PBX1: variants seen among roughly 807,000 people sequenced by gnomAD.
The protein encoded by PBX1 is pre-B-cell leukemia transcription factor 1.
PBX1 carries 6 observed loss-of-function variants against 53.4 expected under a neutral mutation model. That is an observed-to-expected ratio of 0.11 (90% CI 0.06 to 0.22). The LOEUF is 0.22. Among genes scored for constraint, PBX1 ranks in the 10% least tolerant of loss-of-function variants. PBX1 has a pLI of 1.00. For missense variants in PBX1, 251 were observed against 551.4 expected (o/e 0.46, Z 5.46); for synonymous variants, 204 against 212.3 (o/e 0.96, Z 0.34).
intron 3 of PBX1, among the ~76,000 whole-genome samples, chr1:164,793,328 T>TA (rs1416297612): frequency 2.0e-5 from 3 of 152,166 alleles, no homozygotes; most frequent in Non-Finnish European, 4.4e-5. Flanking sequence ...TCATCCTCTG[T>TA]AAAAAGGGTA....
chr1:164,843,344 C>G (rs12118136), intron 8 of PBX1, among the ~76,000 whole-genome samples: 7,031 of 152,218 alleles, frequency 0.046, 199 homozygotes, highest in East Asian at 0.073. Context: ...CTACAATGTC[C>G]TAAATTTGGT....
At chr1:164,634,059 C>T (rs1658587152) in intron 2 of PBX1, among the ~76,000 whole-genome samples, 1 of 152,238 alleles carries the variant, frequency 6.6e-6, no homozygotes, top group Non-Finnish European at 1.5e-5. Context: ...ACAGTTTCTT[C>T]CTTGTGAGCC....
intron 2 of PBX1, among the ~76,000 whole-genome samples, chr1:164,616,082 G>A (rs1429249733): frequency 6.6e-6 from 1 of 152,192 alleles, no homozygotes; most frequent in Non-Finnish European, 1.5e-5. Flanking sequence ...CCATGGGATA[G>A]GGATGGGAAA....
intron 2 of PBX1, among the ~76,000 whole-genome samples, chr1:164,592,447 G>T (rs991777869): frequency 7.2e-5 from 11 of 152,104 alleles, no homozygotes; most frequent in African/African-American, 2.7e-4. Context: ...AATTCTCAAG[G>T]GTCTGCAAAG....
rs542388812 is a variant in PBX1, at chr1:164,876,676, G to A, written n.258-22512G>A. Among the ~76,000 whole-genome samples the A allele has an allele frequency of 2.6e-5, 4 of 152,198 alleles. No homozygotes were observed. In the South Asian group the frequency reaches 8.3e-4, roughly 32 times the overall value. ...GGTAATAGAAGAGTGGAATAAAGCCGAATGCATTACTAATTTCTGTGGAAA... is the reference window on the plus strand; with the variant it reads ...GGTAATAGAAGAGTGGAATAAAGCCAAATGCATTACTAATTTCTGTGGAAA... On this transcript the variant is annotated intron_variant and non_coding_transcript_variant, in intron 2 of 2. Transcript: ENST00000558796.
chr1:164,662,352 T>A (rs1660538537), intron 2 of PBX1, among the ~76,000 whole-genome samples: 1 of 152,094 alleles, frequency 6.6e-6, no homozygotes, highest in Non-Finnish European at 1.5e-5. Context: ...ACTTCTTTAG[T>A]CTGTTTTTGG....
intron 2 of PBX1, among the ~76,000 whole-genome samples, chr1:164,711,842 G>A (rs141322615): frequency 1.3e-5 from 2 of 152,284 alleles, no homozygotes; most frequent in Non-Finnish European, 2.9e-5. Context: ...GCCGTCTGCC[G>A]GACACTGAAA....
chr1:164,580,830 C>T (rs1161333790), intron 2 of PBX1, among the ~76,000 whole-genome samples: 7 of 152,184 alleles, frequency 4.6e-5, no homozygotes, highest in African/African-American at 7.2e-5. Context: ...CCACCCTCCT[C>T]GACCTCCCAG....
At chr1:164,885,847 A>G (rs1259243401) in intron 2 of PBX1, among the ~76,000 whole-genome samples, 1 of 151,956 alleles carries the variant, frequency 6.6e-6, no homozygotes, top group African/African-American at 2.4e-5. Context: ...GGCATTTCCT[A>G]TCCTCTTTCC....
chr1:164,834,236 G>A (rs184358798), intron 8 of PBX1, among the ~76,000 whole-genome samples: 248 of 151,956 alleles, frequency 1.6e-3, no homozygotes, highest in African/African-American at 5.6e-3. Flanking sequence ...TCAGAATAGT[G>A]TTGGGCATTA....
intron 2 of PBX1, among the ~76,000 whole-genome samples, chr1:164,593,502 G>A (rs1487535957): frequency 6.6e-6 from 1 of 152,128 alleles, no homozygotes; most frequent in Non-Finnish European, 1.5e-5. Flanking sequence ...AGTCCTGGTT[G>A]TAAACCCCAG....
chr1:164,728,665 AG>A (rs1664825858), intron 2 of PBX1, among the ~76,000 whole-genome samples: 1 of 152,232 alleles, frequency 6.6e-6, no homozygotes, highest in Non-Finnish European at 1.5e-5. Context: ...TTCATTCAAC[AG>A]AAGGAGGGAA....
intron 2 of PBX1, among the ~76,000 whole-genome samples, chr1:164,599,614 A>T (rs1241720603): frequency 6.6e-6 from 1 of 152,024 alleles, no homozygotes; most frequent in Non-Finnish European, 1.5e-5. Context: ...TGGCATGGGG[A>T]TAACTGGGAA....
At chr1:164,777,201 T>A (rs908043496) in intron 2 of PBX1, among the ~76,000 whole-genome samples, 7 of 151,934 alleles carry the variant, frequency 4.6e-5, no homozygotes, top group Non-Finnish European at 1.0e-4. Flanking sequence ...TTTGGGAGGA[T>A]CAGTTGAGGC....
intron 2 of PBX1, among the ~76,000 whole-genome samples, chr1:164,719,311 A>G (rs1664278901): frequency 6.6e-6 from 1 of 152,224 alleles, no homozygotes; most frequent in Non-Finnish European, 1.5e-5. Context: ...TAGAAAGCTC[A>G]TGGTCTGATG....
At chr1:164,599,182 A>T (rs2101795066) in intron 2 of PBX1, among the ~76,000 whole-genome samples, 1 of 149,206 alleles carries the variant, frequency 6.7e-6, no homozygotes, top group South Asian at 2.1e-4. Context: ...CACTACTCTA[A>T]CTTTGCTCCC....
intron 2 of PBX1, among the ~76,000 whole-genome samples, chr1:164,666,640 A>G (rs1660826484): frequency 6.6e-6 from 1 of 152,176 alleles, no homozygotes; most frequent in Non-Finnish European, 1.5e-5. Flanking sequence ...CAAGAATATC[A>G]GTAAATAACA....
intron 2 of PBX1, among the ~76,000 whole-genome samples, chr1:164,620,039 A>G (rs1657563547): frequency 6.6e-6 from 1 of 151,888 alleles, no homozygotes; most frequent in Non-Finnish European, 1.5e-5. Context: ...CAAAAAATTA[A>G]AGAATTAGCC....
chr1:164,731,489 G>T (rs1227888785), intron 2 of PBX1, among the ~76,000 whole-genome samples: 2 of 152,212 alleles, frequency 1.3e-5, no homozygotes, highest in East Asian at 3.9e-4. Flanking sequence ...GTGGCAGCAG[G>T]GCTGCCTAAC....
Sources: gnomAD v4.1 joint callset for allele counts (sites outside exome capture counted in the v4.1 genomes callset) on GRCh38, gnomAD v4.1.1 for gene constraint, MANE v1.5 for transcripts, NCBI Gene and HGNC (gene_info 2026-07-23, HGNC 2026-07-21) for gene names.